The following LRP12 variants were observed in gnomAD, a reference collection of about 807,000 sequenced individuals.
The protein encoded by LRP12 is LDL receptor related protein 12, also known as low-density lipoprotein receptor-related protein 12.
Under a neutral mutation model 66.0 loss-of-function variants are expected in LRP12, and 14 were observed. That is an observed-to-expected ratio of 0.21 (90% confidence interval 0.14 to 0.33). The LOEUF is 0.33. Among genes scored for constraint, LRP12 ranks in the 10% least tolerant of loss-of-function variants. LRP12 has a pLI of 1.00. For synonymous variants in LRP12, 357 were observed against 359.1 expected (o/e 0.99, Z 0.07); for missense variants, 889 against 1,053.4 (o/e 0.84, Z 2.16).
At chr8:104,500,294 A>G (rs779301117) in intron 3 of LRP12, among the ~76,000 whole-genome samples, 7 of 152,240 alleles carry the variant, frequency 4.6e-5, no homozygotes, top group Non-Finnish European at 7.3e-5. Context: ...AAGTGATAAT[A>G]AAGTTAATTA....
At chr8:104,516,640 A>G (rs567119063) in intron 2 of LRP12, among the ~76,000 whole-genome samples, 5 of 152,200 alleles carry the variant, frequency 3.3e-5, no homozygotes, top group African/African-American at 1.2e-4. Flanking sequence ...TAATAATCCT[A>G]CAGAAAAGCA....
intron 1 of LRP12, 38 bp downstream of exon 1, chr8:104,588,781 T>C (rs779600408): frequency 6.2e-7 from 1 of 1,600,518 alleles, no homozygotes; most frequent in Non-Finnish European, 8.5e-7. Context: ...CGCCTCAGCT[T>C]TGTTCGGTCA....
intron 1 of LRP12, among the ~76,000 whole-genome samples, chr8:104,577,834 G>T (rs377430574): frequency 7.3e-6 from 1 of 136,128 alleles, no homozygotes; most frequent in African/African-American, 2.7e-5. Flanking sequence ...AAAAGAAAAA[G>T]AAAGTTCTTG....
At chr8:104,578,115 G>T (rs191627295) in intron 1 of LRP12, among the ~76,000 whole-genome samples, 6,049 of 148,068 alleles carry the variant, frequency 0.041, 174 homozygotes, top group South Asian at 0.077. Context: ...CCAGGAGCTG[G>T]TTTTTTTTTT....
Position 104,497,344 on chromosome 8 carries a change from T to C in LRP12, c.1208A>G (p.Asn403Ser). 7 of 1,614,106 alleles carry C rather than the reference T, an allele frequency of 4.3e-6. No individual in the cohort carries two copies. The highest frequency in any genetic ancestry group is 5.9e-6 in the Non-Finnish European group (7 of 1,179,994). Residue 403 changes from asparagine to serine, a missense_variant, in exon 5 of 7, where the codon AAT (asparagine) becomes AGT (serine). By Grantham distance (46) the Asn-to-Ser change is conservative. This residue lies in a region of LRP12 where 800 missense variants were observed against 964.5 expected (regional missense o/e 0.83). Coordinates refer to ENST00000276654, the MANE Select transcript of LRP12 (RefSeq NM_013437.5). This position sits in a 1 kb window ranked among gnomAD's most constrained non-coding sequence, Gnocchi z 4.3. ...GGTACAATTGGTTTCATCCCTTCCATTTGGGCAATGCCAATACCCATCACA... is the reference window on the plus strand; with the variant it reads ...GGTACAATTGGTTTCATCCCTTCCACTTGGGCAATGCCAATACCCATCACA... ...QRCDGYWHCP[N>S]GRDETNCTMC...
chr8:104,550,199 T>C (rs1463638172), intron 1 of LRP12, among the ~76,000 whole-genome samples: 1 of 152,070 alleles, frequency 6.6e-6, no homozygotes, highest in Non-Finnish European at 1.5e-5. Context: ...CAGTTTTACA[T>C]GCAGAAAAAA....
intron 1 of LRP12, among the ~76,000 whole-genome samples, chr8:104,541,072 T>C (rs1179809068): frequency 6.6e-6 from 1 of 152,226 alleles, no homozygotes. Flanking sequence ...TCAGTGTTTT[T>C]ATATGTTTAG....
Position 104,573,770 on chromosome 8 carries a change from T to A in LRP12, c.79+15049A>T, listed in dbSNP as rs572410349. Among the ~76,000 whole-genome samples the A allele has an allele frequency of 5.3e-5, 8 of 151,590 alleles. No individual in the cohort carries two copies. The East Asian group carries it at 1.6e-3, about 30-fold the overall frequency. ...CAACAAAAAAAAGATCGTAAGTGCA[T>A]CTAAAAGAATGGATTAACAGATATG... is the stretch of plus-strand genomic sequence containing the variant. On this transcript the variant is annotated intron_variant, in intron 1 of 6. Transcript: ENST00000276654.
At chr8:104,499,259 G>A (rs985331123) in intron 4 of LRP12, 58 bp downstream of exon 4, 5 of 1,319,072 alleles carry the variant, frequency 3.8e-6, no homozygotes, top group African/African-American at 1.5e-5. Context: ...GCTCCGAAGT[G>A]ACAGAGCAGT....
intron 1 of LRP12, among the ~76,000 whole-genome samples, chr8:104,548,656 T>TATAATATAATTAAATTA (rs1811677770): frequency 7.5e-6 from 1 of 132,824 alleles, no homozygotes; most frequent in Non-Finnish European, 1.6e-5. Context: ...ATTATATAAT[T>TATAATATAATTAAATTA]ATTATATAAT....
At chr8:104,541,058 G>C (rs1811469020) in intron 1 of LRP12, among the ~76,000 whole-genome samples, 1 of 152,190 alleles carries the variant, frequency 6.6e-6, no homozygotes, top group African/African-American at 2.4e-5. Flanking sequence ...GGACCTTTGG[G>C]AGTTCAGTGT....
chr8:104,585,318 C>G (rs1252737597), intron 1 of LRP12, among the ~76,000 whole-genome samples: 1 of 152,200 alleles, frequency 6.6e-6, no homozygotes, highest in Non-Finnish European at 1.5e-5. Flanking sequence ...CTCCACCTTC[C>G]TGGTTCAAGT....
intron 1 of LRP12, among the ~76,000 whole-genome samples, chr8:104,547,332 T>C (rs1305515773): frequency 7.3e-6 from 1 of 136,218 alleles, no homozygotes; most frequent in Non-Finnish European, 1.5e-5. Context: ...ATATTTTGTA[T>C]ATAATATACA....
Position 104,588,985 on chromosome 8 carries a change from C to CCGT in LRP12, c.-89_-88insACG. The CCGT allele has an allele frequency of 1.1e-6, 1 of 894,770 alleles. No homozygotes were observed. The highest frequency in any genetic ancestry group is 1.7e-6 in the Non-Finnish European group (1 of 598,346). The allele number at this position is 894,770 out of a possible 1,614,324, so 55.4% of individuals were successfully genotyped here. A position where few individuals can be genotyped will look rare whatever the true frequency, so the allele number is the denominator to read the frequency against. ...GACGACGCCGACGCCGCCGCCGCCG[C>CCGT]CGCCGCCGCCGCCGAGCCACCGGCT... On this transcript the variant is annotated 5_prime_UTR_variant, in exon 1 of 7. Transcript: ENST00000276654.
At chr8:104,550,644 T>C (rs1367599128) in intron 1 of LRP12, among the ~76,000 whole-genome samples, 3 of 152,114 alleles carry the variant, frequency 2.0e-5, no homozygotes, top group Non-Finnish European at 4.4e-5. Flanking sequence ...TTCCTTCCCT[T>C]CATGCACTAT....
At chr8:104,503,046 G>A (rs959883854) in intron 3 of LRP12, among the ~76,000 whole-genome samples, 6 of 152,022 alleles carry the variant, frequency 3.9e-5, no homozygotes, top group Non-Finnish European at 7.4e-5. Flanking sequence ...TTAGTTGGGC[G>A]TGGTTTTTAA....
intron 1 of LRP12, among the ~76,000 whole-genome samples, chr8:104,567,678 AATG>A (rs1812026336): frequency 1.3e-5 from 2 of 152,230 alleles, no homozygotes; most frequent in African/African-American, 2.4e-5. Context: ...ATGCACCAAC[AATG>A]ATAATCTGAA....
intron 1 of LRP12, among the ~76,000 whole-genome samples, chr8:104,535,638 A>G (rs1811383437): frequency 6.6e-6 from 1 of 152,050 alleles, no homozygotes; most frequent in African/African-American, 2.4e-5. Context: ...CCTTAAAACA[A>G]CAGTTCATTT....
At chr8:104,552,364 T>G (rs369141596) in intron 1 of LRP12, among the ~76,000 whole-genome samples, 5 of 111,898 alleles carry the variant, frequency 4.5e-5, no homozygotes, top group African/African-American at 2.1e-4. Flanking sequence ...TAAATATGTC[T>G]TTTTTTTGTT....
Sources: allele counts gnomAD v4.1 joint callset (sites outside exome capture counted in the v4.1 genomes callset), GRCh38; gene constraint gnomAD v4.1.1; regional missense constraint gnomAD v4.1.1; non-coding constraint Gnocchi (gnomAD v3.1); transcripts MANE v1.5; gene names NCBI Gene and HGNC (gene_info 2026-07-23, HGNC 2026-07-21).